Variants in FAM227B observed in about 807,000 individuals in gnomAD.
FAM227B encodes the protein protein FAM227B.
FAM227B carries 88 observed loss-of-function variants against 73.8 expected under a neutral mutation model. The observed-to-expected ratio is 1.19, with a 90% CI of 1.00 to 1.42. The LOEUF (loss-of-function observed/expected upper bound fraction) is 1.42. FAM227B is among the 40% of genes most tolerant of loss of function. FAM227B has a pLI of 0.00. For missense variants in FAM227B, 632 were observed against 590.9 expected (o/e 1.07, Z -0.72); for synonymous variants, 210 against 190.5 (o/e 1.10, Z -0.84).
intron 5 of FAM227B, among the ~76,000 whole-genome samples, chr15:49,584,695 G>A (rs576128609): frequency 1.5e-4 from 23 of 152,094 alleles, no homozygotes; most frequent in Non-Finnish European, 2.9e-4. Flanking sequence ...AAAATCATTA[G>A]TACTCCTATA....
Position 49,489,881 on chromosome 15 carries a change from T to TAGAGAG in FAM227B, c.1012+18329_1012+18330insCTCTCT, listed in dbSNP as rs1163487332. On this transcript the variant is annotated intron_variant, in intron 11 of 15. Coordinates refer to ENST00000299338, the MANE Select transcript of FAM227B (RefSeq NM_152647.3). ...TATTTTATATATATATATATATATA[T>TAGAGAG]ATAGAGAGAGAGAGAGAGAGAGAGA... Among the ~76,000 whole-genome samples the TAGAGAG allele has an allele frequency of 8.1e-3, 134 of 16,486 alleles. 17 individuals are homozygous for TAGAGAG. Among genetic ancestry groups the TAGAGAG allele is most frequent in the Middle Eastern group, 0.036 (1 of 28 alleles). The allele number at this position is 16,486 out of a possible 152,430, so 10.8% of individuals were successfully genotyped here. A position where few individuals can be genotyped will look rare whatever the true frequency, so the allele number is the denominator to read the frequency against.
chr15:49,495,785 G>A (rs2057547954), intron 11 of FAM227B, among the ~76,000 whole-genome samples: 1 of 152,134 alleles, frequency 6.6e-6, no homozygotes, highest in Non-Finnish European at 1.5e-5. Flanking sequence ...CACTTTGGGA[G>A]GCAAAGGTGG....
chr15:49,494,905 T>TA (rs2057462143), intron 11 of FAM227B, among the ~76,000 whole-genome samples: 1 of 152,180 alleles, frequency 6.6e-6, no homozygotes, highest in African/African-American at 2.4e-5. Context: ...GACAGAATAA[T>TA]AAGCACACCT....
intron 11 of FAM227B, chr15:49,484,280 T>C: frequency 1.3e-6 from 2 of 1,510,146 alleles, no homozygotes; most frequent in Non-Finnish European, 1.8e-6. Context: ...ATCATTTGGA[T>C]AATGTCTGTT....
At chr15:49,333,504 G>C (rs1043105831) in intron 14 of FAM227B, among the ~76,000 whole-genome samples, 1 of 152,148 alleles carries the variant, frequency 6.6e-6, no homozygotes, top group Non-Finnish European at 1.5e-5. Flanking sequence ...TTGATTTTTG[G>C]AAACTTGTAA....
chr15:49,584,330 ACT>A (rs1213110747), intron 5 of FAM227B, among the ~76,000 whole-genome samples: 1 of 152,150 alleles, frequency 6.6e-6, no homozygotes, highest in Non-Finnish European at 1.5e-5. Context: ...CATGTGAAAA[ACT>A]CTCATTAAAC....
At chr15:49,576,462 G>A (rs1318084393) in intron 7 of FAM227B, 2 of 263,084 alleles carry the variant, frequency 7.6e-6, no homozygotes, top group Non-Finnish European at 7.3e-6. Context: ...TGAGCTGACA[G>A]AGCAGGAACA....
chr15:49,459,425 C>A (rs1263092326), intron 11 of FAM227B, among the ~76,000 whole-genome samples: 1 of 152,080 alleles, frequency 6.6e-6, no homozygotes, highest in South Asian at 2.1e-4. Context: ...ATGTGTTGTA[C>A]ATTTTTGCAG....
intron 11 of FAM227B, among the ~76,000 whole-genome samples, chr15:49,380,713 TA>T (rs1266325726): frequency 6.6e-6 from 1 of 152,098 alleles, no homozygotes; most frequent in African/African-American, 2.4e-5. Context: ...TTTTCTACTT[TA>T]TTTTTTTTCT....
chr15:49,572,133 G>A (rs1006607920), intron 8 of FAM227B, among the ~76,000 whole-genome samples: 2 of 151,674 alleles, frequency 1.3e-5, no homozygotes, highest in African/African-American at 2.4e-5. Context: ...TTGTTTTCTT[G>A]ATTTCTTTTT....
At chr15:49,463,038 A>T (rs2053942487) in intron 11 of FAM227B, among the ~76,000 whole-genome samples, 1 of 152,158 alleles carries the variant, frequency 6.6e-6, no homozygotes, top group South Asian at 2.1e-4. Flanking sequence ...TAGATTCAGG[A>T]TCTATATGAA....
rs1384101609 is a variant in FAM227B, at chr15:49,620,683, A to G, written c.-73+17T>C. On this transcript the variant is annotated intron_variant, in intron 1 of 15. Transcript: ENST00000299338. ...ATGCAAACTTTTCTCTGGGATCAAC[A>G]TTTCTTCACAACTCACTGCAACTAC... is the stretch of plus-strand genomic sequence containing the variant. 1 of 152,182 alleles carries G rather than the reference A, an allele frequency of 6.6e-6. No homozygotes were observed. The highest frequency in any genetic ancestry group is 1.5e-5 in the Non-Finnish European group (1 of 68,026). 9.4% of individuals were successfully genotyped at this position (152,182 alleles called of 1,614,324 possible).
chr15:49,554,265 T>C (rs1211657702), intron 9 of FAM227B, among the ~76,000 whole-genome samples: 1 of 152,138 alleles, frequency 6.6e-6, no homozygotes, highest in African/African-American at 2.4e-5. Context: ...CCTGGGGTTA[T>C]GAGAGAGGTG....
chr15:49,582,570 A>G lies in FAM227B; in HGVS notation c.406-4906T>C, dbSNP rs961491474. 3.3e-5 allele frequency among the ~76,000 whole-genome samples: 5 copies of G among 152,204 alleles called. No individual in the cohort carries two copies. In the East Asian group the frequency reaches 9.6e-4, roughly 29 times the overall value. ...GCCACTGACAATATTAGGACAGATC[A>G]TTGAGGCAGAAAATTAACAAAGCTA... On this transcript the variant is annotated intron_variant, in intron 5 of 15. Coordinates refer to ENST00000299338, the MANE Select transcript of FAM227B (RefSeq NM_152647.3).
intron 11 of FAM227B, among the ~76,000 whole-genome samples, chr15:49,458,787 T>C (rs1043467518): frequency 6.6e-6 from 1 of 152,166 alleles, no homozygotes; most frequent in Non-Finnish European, 1.5e-5. Context: ...ATTTATTCTA[T>C]AAATTCAATT....
At chr15:49,605,087 T>C (rs535978046) in intron 3 of FAM227B, among the ~76,000 whole-genome samples, 6 of 152,280 alleles carry the variant, frequency 3.9e-5, no homozygotes, top group African/African-American at 1.4e-4. Flanking sequence ...TGATGTCATG[T>C]TTCCCTGACT....
chr15:49,610,026 T>A (rs1203243776), intron 3 of FAM227B, among the ~76,000 whole-genome samples: 1 of 151,964 alleles, frequency 6.6e-6, no homozygotes, highest in Non-Finnish European at 1.5e-5. Flanking sequence ...TTGATTTGAT[T>A]TTTATCCTGT....
chr15:49,514,060 G>A (rs2059212698), intron 10 of FAM227B, among the ~76,000 whole-genome samples: 1 of 152,124 alleles, frequency 6.6e-6, no homozygotes, highest in African/African-American at 2.4e-5. Flanking sequence ...TTTTGCTTAG[G>A]AAGGCCTTGG....
At chr15:49,346,406 C>T (rs1018318380) in intron 13 of FAM227B, among the ~76,000 whole-genome samples, 3 of 152,164 alleles carry the variant, frequency 2.0e-5, no homozygotes, top group African/African-American at 7.2e-5. Context: ...TTGCCAATCA[C>T]CTTTCCCCAC....
Sources: allele counts gnomAD v4.1 joint callset (sites outside exome capture counted in the v4.1 genomes callset), GRCh38; gene constraint gnomAD v4.1.1; transcripts MANE v1.5; gene names NCBI Gene and HGNC (gene_info 2026-07-23, HGNC 2026-07-21).